NDRG2: variants seen among roughly 807,000 people sequenced by gnomAD.
NDRG2 encodes protein NDRG2.
Under a neutral mutation model 58.2 loss-of-function variants are expected in NDRG2, and 34 were observed. That is an observed-to-expected ratio of 0.58 (90% CI 0.44 to 0.78). The LOEUF (loss-of-function observed/expected upper bound fraction) is 0.78, where lower values mean the gene tolerates loss of function less well. Among genes scored for constraint, NDRG2 ranks in the 30% least tolerant of loss-of-function variants. The pLI is 0.00. For synonymous variants in NDRG2, 187 were observed against 175.9 expected (o/e 1.06, Z -0.50); for missense variants, 434 against 471.2 (o/e 0.92, Z 0.73).
At chr14:21,052,570 T>C (rs1885513025) in intron 1 of NDRG2, among the ~76,000 whole-genome samples, 1 of 152,022 alleles carries the variant, frequency 6.6e-6, no homozygotes, top group Non-Finnish European at 1.5e-5. Context: ...AATCAGGTTA[T>C]TAGGATAGAA....
chr14:21,056,906 C>T (rs1885699064), intron 1 of NDRG2, among the ~76,000 whole-genome samples: 1 of 152,168 alleles, frequency 6.6e-6, no homozygotes, highest in Admixed American at 6.5e-5. Flanking sequence ...AGACATTCTC[C>T]AGCAGGGCAA....
chr14:21,023,571 C>A, intron 1 of NDRG2: 1 of 449,684 alleles, frequency 2.2e-6, no homozygotes, highest in Non-Finnish European at 3.9e-6. Flanking sequence ...CCACCCTCAA[C>A]ACCACACCTC....
intron 1 of NDRG2, among the ~76,000 whole-genome samples, chr14:21,050,772 C>T (rs1294000817): frequency 6.6e-6 from 1 of 152,106 alleles, no homozygotes. Flanking sequence ...TGTGGTTATG[C>T]ACACGAGAGT....
At position 21,033,827 on chromosome 14, in the gene NDRG2, C is replaced by A. The variant is rs199616382; in HGVS notation, c.25-10506G>T. On this transcript the variant is annotated intron_variant, in intron 1 of 14. Transcript: ENST00000403829. Reference sequence around the variant, plus strand: ...GGGAGTGGCTCAGGAATTAAATTCCCGAATAGAGACCAGCGATACCTATTG... The same window carrying A: ...GGGAGTGGCTCAGGAATTAAATTCCAGAATAGAGACCAGCGATACCTATTG... 7.9e-4 allele frequency: 1,260 copies of A among 1,603,670 alleles called. 3 individuals are homozygous for A. The highest frequency in any genetic ancestry group is 2.0e-3 in the Middle Eastern group (12 of 6,032).
Position 21,024,390 on chromosome 14 carries a change from C to G in NDRG2, c.-367G>C. The G allele has an allele frequency of 3.3e-6, 3 of 911,208 alleles. No homozygotes were observed. The highest frequency in any genetic ancestry group is 3.9e-6 in the Non-Finnish European group (3 of 762,446). 56.4% of individuals were successfully genotyped at this position (911,208 alleles called of 1,614,324 possible). ...GAACCTCCGGATTCGAATCCCGGCT[C>G]TGCCACTCCCAGTGTGACCTTGCCC... is the stretch of plus-strand genomic sequence containing the variant. On this transcript the variant is annotated 5_prime_UTR_variant, in exon 1 of 16. Coordinates refer to ENST00000556147, the MANE Select transcript of NDRG2 (RefSeq NM_001320329.2).
chr14:21,067,761 T>TACAC (rs3061993), intron 1 of NDRG2, among the ~76,000 whole-genome samples: 42,196 of 149,968 alleles, frequency 0.28, 6,121 homozygotes, highest in Non-Finnish European at 0.33. Context: ...TGTACACACG[T>TACAC]ACACACACAC....
At chr14:21,067,260 T>C (rs1238688136) in intron 1 of NDRG2, among the ~76,000 whole-genome samples, 1 of 143,554 alleles carries the variant, frequency 7.0e-6, no homozygotes, top group African/African-American at 2.6e-5. Context: ...TATTAGTCTA[T>C]AACAAGTCTA....
intron 4 of NDRG2, 39 bp from the exon 5 acceptor site, chr14:21,022,221 C>A (rs772826192): frequency 6.2e-7 from 1 of 1,613,966 alleles, no homozygotes; most frequent in Non-Finnish European, 8.5e-7. Context: ...TAGAATCAGA[C>A]AGGGACTCGT....
intron 1 of NDRG2, among the ~76,000 whole-genome samples, chr14:21,035,632 C>T (rs1566491837): frequency 6.6e-6 from 1 of 152,088 alleles, no homozygotes; most frequent in Non-Finnish European, 1.5e-5. Flanking sequence ...GCTCCAACAC[C>T]CTCAGTATAG....
At chr14:21,045,971 G>C (rs889652887) in intron 1 of NDRG2, among the ~76,000 whole-genome samples, 2 of 152,058 alleles carry the variant, frequency 1.3e-5, no homozygotes, top group African/African-American at 4.8e-5. Flanking sequence ...AAAGGCAGCA[G>C]GTGGTCATAA....
At chr14:21,039,407 T>G (rs1566494122) in intron 1 of NDRG2, among the ~76,000 whole-genome samples, 2 of 152,230 alleles carry the variant, frequency 1.3e-5, no homozygotes, top group African/African-American at 4.8e-5. Flanking sequence ...CTGTCTTCTC[T>G]CCCACTGTTT....
intron 1 of NDRG2, among the ~76,000 whole-genome samples, chr14:21,057,308 T>C (rs1366306579): frequency 1.3e-5 from 2 of 151,912 alleles, no homozygotes; most frequent in Admixed American, 6.6e-5. Context: ...TGGTGGTGCA[T>C]GCCTGTAATC....
intron 1 of NDRG2, among the ~76,000 whole-genome samples, chr14:21,063,953 T>C (rs1453426585): frequency 1.3e-5 from 2 of 152,242 alleles, no homozygotes; most frequent in Non-Finnish European, 2.9e-5. Flanking sequence ...TCTGCTTCTT[T>C]ATAACTGCAA....
At chr14:21,035,800 T>G (rs117360911) in intron 1 of NDRG2, 7,146 of 456,230 alleles carry the variant, frequency 0.016, 98 homozygotes, top group Non-Finnish European at 0.025. Flanking sequence ...TCAGTTTCCC[T>G]GGTTACCTAT....
chr14:21,044,458 C>A (rs1296002896), intron 1 of NDRG2, among the ~76,000 whole-genome samples: 1 of 152,196 alleles, frequency 6.6e-6, no homozygotes, highest in African/African-American at 2.4e-5. Context: ...TGGCCCTGAG[C>A]CTGCTTGTCA....
chr14:21,020,237 T>C (rs886638883), intron 8 of NDRG2: 4 of 545,170 alleles, frequency 7.3e-6, no homozygotes, highest in African/African-American at 2.0e-5. Flanking sequence ...GAGGTTGCAG[T>C]GAGCCAAGAT....
intron 1 of NDRG2, chr14:21,032,765 G>A (rs1884312142): frequency 1.6e-5 from 6 of 366,526 alleles, no homozygotes; most frequent in Non-Finnish European, 2.1e-5. Context: ...GATTCCAAGA[G>A]CAGGAGTTCT....
intron 1 of NDRG2, among the ~76,000 whole-genome samples, chr14:21,041,209 G>A (rs1884881010): frequency 6.6e-6 from 1 of 152,130 alleles, no homozygotes. Flanking sequence ...TGCCCAGGCT[G>A]GTCTTGAATT....
chr14:21,035,700 C>T, intron 1 of NDRG2: 1 of 449,752 alleles, frequency 2.2e-6, no homozygotes, highest in Non-Finnish European at 4.5e-6. Flanking sequence ...ATGTAGAGCC[C>T]CCTAAACTGG....
Sources: gnomAD v4.1 joint callset for allele counts (sites outside exome capture counted in the v4.1 genomes callset) on GRCh38, gnomAD v4.1.1 for gene constraint, MANE v1.5 for transcripts, NCBI Gene and HGNC (gene_info 2026-07-23, HGNC 2026-07-21) for gene names.